Variants in PRKAG2 observed in about 807,000 individuals in gnomAD.
PRKAG2 encodes the protein 5'-AMP-activated protein kinase subunit gamma-2.
In PRKAG2, 26 loss-of-function variants were observed where a neutral mutation model predicts 69.6. The ratio of observed to expected loss-of-function variants is 0.37; its 90% CI spans 0.27 to 0.52. The LOEUF is 0.52. Among genes scored for constraint, PRKAG2 ranks in the 20% least tolerant of loss-of-function variants. The pLI is 0.90. For missense variants in PRKAG2, 557 were observed against 740.0 expected (o/e 0.75, Z 2.87); for synonymous variants, 293 against 285.0 (o/e 1.03, Z -0.28).
intron 4 of PRKAG2, among the ~76,000 whole-genome samples, chr7:151,672,675 A>G (rs901267100): frequency 3.3e-5 from 5 of 151,994 alleles, no homozygotes; most frequent in African/African-American, 1.2e-4. Context: ...CAAGGTCCTC[A>G]GGGCCCCTCC....
chr7:151,847,660 C>A (rs549651628), intron 1 of PRKAG2, among the ~76,000 whole-genome samples: 5 of 152,362 alleles, frequency 3.3e-5, no homozygotes, highest in Admixed American at 2.6e-4. Context: ...TATATAACCA[C>A]GCGGCAAAGC....
At chr7:151,603,355 G>A (rs537405995) in intron 5 of PRKAG2, among the ~76,000 whole-genome samples, 1 of 48,028 alleles carries the variant, frequency 2.1e-5, no homozygotes, top group African/African-American at 1.2e-4. Context: ...CACCGCACAC[G>A]GAGGCACCCG....
chr7:151,604,670 C>T (rs1817075159), intron 5 of PRKAG2, among the ~76,000 whole-genome samples: 2 of 152,034 alleles, frequency 1.3e-5, no homozygotes, highest in Non-Finnish European at 2.9e-5. Flanking sequence ...ACACACACCC[C>T]AACAATGTAT....
intron 5 of PRKAG2, among the ~76,000 whole-genome samples, chr7:151,610,729 TTTTTC>T (rs1270509351): frequency 7.5e-6 from 1 of 133,342 alleles, no homozygotes; most frequent in Non-Finnish European, 1.5e-5. Flanking sequence ...TTATAAATAT[TTTTTC>T]TTTTCTTTTT....
Position 151,836,240 on chromosome 7 carries a change from G to T in PRKAG2, c.114+40267C>A, listed in dbSNP as rs995396279. On this transcript the variant is annotated intron_variant, in intron 1 of 15. Coordinates refer to ENST00000287878, the MANE Select transcript of PRKAG2 (RefSeq NM_016203.4). The surrounding 1 kb of genome is among the most constrained non-coding windows in gnomAD (Gnocchi z 4.1). The stretch of plus-strand genomic sequence containing the variant: ...CCCCAGGAGACTGAGAGACTCGGGG[G>T]AGCAGGGGCTGCGTCAGGACCCCCT... Among the ~76,000 whole-genome samples the T allele has an allele frequency of 1.3e-5, 2 of 152,164 alleles. No individual in the cohort carries two copies. The highest frequency in any genetic ancestry group is 2.9e-5 in the Non-Finnish European group (2 of 68,038).
chr7:151,820,947 G>A (rs1372477349), intron 1 of PRKAG2, among the ~76,000 whole-genome samples: 1 of 3,588 alleles, frequency 2.8e-4, no homozygotes, highest in Non-Finnish European at 9.2e-4. Flanking sequence ...ATATTCTTAG[G>A]ACCCCCCCCA....
intron 6 of PRKAG2, among the ~76,000 whole-genome samples, chr7:151,590,395 G>A (rs759096497): frequency 6.6e-6 from 1 of 152,234 alleles, no homozygotes; most frequent in Non-Finnish European, 1.5e-5. Context: ...AGGCGGAATT[G>A]GTGGCATCAC....
intron 1 of PRKAG2, among the ~76,000 whole-genome samples, chr7:151,875,137 A>G (rs2080354951): frequency 6.6e-6 from 1 of 152,224 alleles, no homozygotes; most frequent in Non-Finnish European, 1.5e-5. Flanking sequence ...CAAATAGAAC[A>G]CTTATTCCTG....
intron 1 of PRKAG2, among the ~76,000 whole-genome samples, chr7:151,855,247 C>A (rs2079710977): frequency 8.3e-5 from 12 of 144,442 alleles, no homozygotes; most frequent in South Asian, 4.4e-4. Context: ...GCCCTCCACA[C>A]ACACCACCCT....
chr7:151,808,988 G>A (rs1333120505), intron 1 of PRKAG2, among the ~76,000 whole-genome samples: 2 of 152,080 alleles, frequency 1.3e-5, no homozygotes, highest in Admixed American at 6.5e-5. Context: ...CCCACTCCAC[G>A]GCCACCCTTC....
chr7:151,650,227 T>C (rs1352614610), intron 4 of PRKAG2, among the ~76,000 whole-genome samples: 1 of 151,660 alleles, frequency 6.6e-6, no homozygotes, highest in Non-Finnish European at 1.5e-5. Context: ...AACAAAAAAG[T>C]TTAAGAGAAA....
At chr7:151,656,243 G>A (rs996695428) in intron 4 of PRKAG2, among the ~76,000 whole-genome samples, 9 of 152,094 alleles carry the variant, frequency 5.9e-5, no homozygotes, top group African/African-American at 1.9e-4. Context: ...TACAAACTAC[G>A]TTTCACGACA....
intron 1 of PRKAG2, among the ~76,000 whole-genome samples, chr7:151,861,842 T>C (rs2079934868): frequency 6.6e-6 from 1 of 152,084 alleles, no homozygotes; most frequent in Non-Finnish European, 1.5e-5. Flanking sequence ...GGGGCAATCA[T>C]TGACACCGGG....
intron 1 of PRKAG2, among the ~76,000 whole-genome samples, chr7:151,866,029 A>G (rs908033034): frequency 6.6e-6 from 1 of 151,938 alleles, no homozygotes; most frequent in African/African-American, 2.4e-5. Context: ...CAAAAAAAAA[A>G]AAAAAAGAAA....
intron 4 of PRKAG2, among the ~76,000 whole-genome samples, chr7:151,662,483 C>T (rs1393301618): frequency 1.3e-5 from 2 of 152,240 alleles, no homozygotes; most frequent in Non-Finnish European, 2.9e-5. Flanking sequence ...TCCTCTGAAT[C>T]TCCACTCCTG....
At chr7:151,696,399 G>A (rs529067479) in intron 3 of PRKAG2, among the ~76,000 whole-genome samples, 78 of 152,298 alleles carry the variant, frequency 5.1e-4, no homozygotes, top group African/African-American at 1.8e-3. Flanking sequence ...AGGACCTTGT[G>A]GTGGATGTGG....
At chr7:151,869,733 C>T (rs1211473386) in intron 1 of PRKAG2, among the ~76,000 whole-genome samples, 1 of 152,264 alleles carries the variant, frequency 6.6e-6, no homozygotes, top group African/African-American at 2.4e-5. Flanking sequence ...TGCCGTGCCC[C>T]ACTGAGGACG....
rs189059359 is a variant in PRKAG2, at chr7:151,651,748, C to T, written c.685-19610G>A. On this transcript the variant is annotated intron_variant, in intron 4 of 15. Coordinates refer to ENST00000287878, the MANE Select transcript of PRKAG2 (RefSeq NM_016203.4). ...AACCTTCAAGAAACTACCACTTGTC[C>T]TCTGGGTTCATCCATGTTGTCACAG... Among the ~76,000 whole-genome samples, 118 of 152,316 alleles carry T rather than the reference C, an allele frequency of 7.7e-4. 2 individuals carry two copies. Among genetic ancestry groups the T allele is most frequent in the Admixed American group, 4.4e-3 (67 of 15,296 alleles).
intron 1 of PRKAG2, among the ~76,000 whole-genome samples, chr7:151,839,028 A>G (rs1233524794): frequency 9.4e-5 from 14 of 149,004 alleles, no homozygotes; most frequent in African/African-American, 1.5e-4. Flanking sequence ...AAAAAAAAAA[A>G]AAATAGAAAA....
Sources: allele counts gnomAD v4.1 joint callset (sites outside exome capture counted in the v4.1 genomes callset), GRCh38; gene constraint gnomAD v4.1.1; non-coding constraint Gnocchi (gnomAD v3.1); transcripts MANE v1.5; gene names NCBI Gene and HGNC (gene_info 2026-07-23, HGNC 2026-07-21).